The following HTR3A variants were observed in gnomAD, a reference collection of about 807,000 sequenced individuals.
HTR3A encodes 5-hydroxytryptamine receptor 3A.
Under a neutral mutation model 54.8 loss-of-function variants are expected in HTR3A, and 45 were observed. That is an observed-to-expected ratio of 0.82 (90% CI 0.65 to 1.05). HTR3A has a LOEUF of 1.05. Ranked by LOEUF, HTR3A falls within the 50% of genes least tolerant of loss-of-function variation. HTR3A has a pLI of 0.00. For synonymous variants in HTR3A, 297 were observed against 256.0 expected (o/e 1.16, Z -1.53); for missense variants, 657 against 614.0 (o/e 1.07, Z -0.74).
intron 3 of HTR3A, among the ~76,000 whole-genome samples, chr11:113,979,907 AAGCATGAGGAC>A (rs1376383201): frequency 2.6e-5 from 4 of 152,312 alleles, no homozygotes; most frequent in Admixed American, 2.0e-4. Flanking sequence ...ACGGAGGCAG[AAGCATGAGGAC>A]AGCTCACAGA....
intron 2 of HTR3A, among the ~76,000 whole-genome samples, chr11:113,978,868 A>T (rs979176646): frequency 6.6e-6 from 1 of 152,186 alleles, no homozygotes; most frequent in Non-Finnish European, 1.5e-5. Flanking sequence ...ACACACCTGT[A>T]GTCCCAGCAA....
At chr11:113,983,428 A>G (rs1412032311) in intron 5 of HTR3A, 139 bp downstream of exon 5, 3 of 864,780 alleles carry the variant, frequency 3.5e-6, no homozygotes, top group Non-Finnish European at 5.8e-6. Flanking sequence ...CATCCTCTGC[A>G]TGAGGTAGAT....
chr11:113,980,555 G>A (rs927523921), intron 3 of HTR3A, among the ~76,000 whole-genome samples: 1 of 152,258 alleles, frequency 6.6e-6, no homozygotes, highest in African/African-American at 2.4e-5. Flanking sequence ...ATAGGGGAGA[G>A]GGAGCAGGAT....
chr11:113,982,239 G>A (rs2137576495), intron 4 of HTR3A, among the ~76,000 whole-genome samples: 1 of 152,326 alleles, frequency 6.6e-6, no homozygotes, highest in African/African-American at 2.4e-5. Flanking sequence ...CAGGGAAGAT[G>A]GCTGGGGAGA....
chr11:113,987,345 T>C (rs1169011680), intron 8 of HTR3A, among the ~76,000 whole-genome samples: 1 of 152,196 alleles, frequency 6.6e-6, no homozygotes, highest in Non-Finnish European at 1.5e-5. Flanking sequence ...GATGGACCCA[T>C]GGGTGAAGTC....
chr11:113,986,309 T>TTTC, intron 6 of HTR3A, 134 bp downstream of exon 6: 1 of 1,214,982 alleles, frequency 8.2e-7, no homozygotes. Context: ...TTCAGTGAAG[T>TTTC]AGATGGAGAA....
At chr11:113,980,445 C>T (rs191879047) in intron 3 of HTR3A, among the ~76,000 whole-genome samples, 1 of 152,350 alleles carries the variant, frequency 6.6e-6, no homozygotes, top group East Asian at 1.9e-4. Context: ...TGTCACCCAG[C>T]CTGGGGTGTG....
chr11:113,981,289 C>T lies in HTR3A; in HGVS notation c.351C>T (p.Val117=). Residue 117 remains valine (V), a synonymous_variant, in exon 4 of 9, where the codon GTC becomes GTT. Coordinates refer to ENST00000504030, the MANE Select transcript of HTR3A (RefSeq NM_000869.6). The part of the protein sequence containing the change: ...KLSIPTDSIW[V]PDILINEFVD... ...CCATCCCCACGGACAGCATCTGGGTCCCGGACATTCTCATCAATGAGTTGT... is the reference window on the plus strand; with the variant it reads ...CCATCCCCACGGACAGCATCTGGGTTCCGGACATTCTCATCAATGAGTTGT... The T allele has an allele frequency of 1.2e-6, 2 of 1,612,202 alleles. No homozygotes were observed. The highest frequency in any genetic ancestry group is 8.5e-7 in the Non-Finnish European group (1 of 1,178,226).
chr11:113,982,280 C>G (rs1950430335), intron 4 of HTR3A, among the ~76,000 whole-genome samples: 1 of 152,186 alleles, frequency 6.6e-6, no homozygotes, highest in South Asian at 2.1e-4. Flanking sequence ...CAGGTGGGAT[C>G]AGCCATCCTC....
intron 8 of HTR3A, 102 bp downstream of exon 8, chr11:113,987,148 G>C: frequency 8.1e-7 from 1 of 1,234,258 alleles, no homozygotes; most frequent in Non-Finnish European, 1.2e-6. Flanking sequence ...GTGCTGTACT[G>C]CACATGGCAT....
At position 113,979,249 on chromosome 11, in the gene HTR3A, T is replaced by C. The variant is rs755428599; in HGVS notation, c.236T>C (p.Val79Ala). The C allele has an allele frequency of 1.2e-6, 2 of 1,613,088 alleles. No individual in the cohort carries two copies. Among genetic ancestry groups the C allele is most frequent in the Non-Finnish European group, 1.7e-6 (2 of 1,179,860 alleles). The change falls in exon 3 of 9, where the codon GTG becomes GCG. Residue 79 changes from valine (V) to alanine (A), a missense_variant. Transcript: ENST00000504030. ...AILNVDEKNQVLTTYIWYRQY... is the reference protein window; with the variant it reads ...AILNVDEKNQALTTYIWYRQY... ...CTTTCCCAGGATGAGAAGAATCAGG[T>C]GCTGACCACCTACATCTGGTACCGG...
At chr11:113,977,632 G>A in intron 1 of HTR3A, 139 bp from the exon 2 acceptor site, 1 of 1,498,406 alleles carries the variant, frequency 6.7e-7, no homozygotes, top group East Asian at 2.5e-5. Flanking sequence ...CTAGTGGTGA[G>A]AATGTCAGTC....
chr11:113,977,719 C>T (rs900623127), intron 1 of HTR3A, 52 bp from the exon 2 acceptor site: 16 of 1,597,808 alleles, frequency 1.0e-5, no homozygotes, highest in African/African-American at 5.4e-5. Context: ...ACAAGAGAAC[C>T]GGGGGAAGTC....
chr11:113,978,313 C>G (rs1302077122), intron 2 of HTR3A, among the ~76,000 whole-genome samples: 1 of 152,138 alleles, frequency 6.6e-6, no homozygotes, highest in African/African-American at 2.4e-5. Context: ...AAGAATCAGC[C>G]AACAGATCAA....
At position 113,979,305 on chromosome 11, in the gene HTR3A, C is replaced by T. The variant is rs750146054; in HGVS notation, c.264+28C>T. Reference sequence around the variant, plus strand: ...GAGCAGACCCGCCCCTCCCTGCCCCCGTTACCCATCCTCCTGGGAAGGAGT... The same window carrying T: ...GAGCAGACCCGCCCCTCCCTGCCCCTGTTACCCATCCTCCTGGGAAGGAGT... On this transcript the variant is annotated intron_variant, in intron 3 of 8. Coordinates refer to ENST00000504030, the MANE Select transcript of HTR3A (RefSeq NM_000869.6). The T allele has an allele frequency of 2.9e-5, 46 of 1,582,168 alleles. 1 individual carries two copies. Among genetic ancestry groups the T allele is most frequent in the East Asian group, 4.5e-5 (2 of 44,758 alleles).
intron 8 of HTR3A, among the ~76,000 whole-genome samples, chr11:113,987,298 A>G (rs1340707953): frequency 6.6e-6 from 1 of 152,216 alleles, no homozygotes; most frequent in Non-Finnish European, 1.5e-5. Flanking sequence ...GCATGTCAGG[A>G]GCTGAGTCCT....
intron 3 of HTR3A, 82 bp from the exon 4 acceptor site, chr11:113,981,121 A>G: frequency 1.2e-6 from 1 of 849,136 alleles, no homozygotes; most frequent in Non-Finnish European, 2.0e-6. Flanking sequence ...CTGGGCACTG[A>G]GGGTGAAGTC....
At chr11:113,977,417 CT>C in intron 1 of HTR3A, 1 of 769,392 alleles carries the variant, frequency 1.3e-6, no homozygotes, top group Non-Finnish European at 2.1e-6. Context: ...AGCCAGCTTC[CT>C]TGTTGCTCCC....
At chr11:113,983,009 G>A in intron 4 of HTR3A, 111 bp from the exon 5 acceptor site, 2 of 1,242,418 alleles carry the variant, frequency 1.6e-6, no homozygotes, top group Non-Finnish European at 2.4e-6. Flanking sequence ...TTATCCGGCT[G>A]CCTATACCCT....
Sources: gnomAD v4.1 joint callset for allele counts (sites outside exome capture counted in the v4.1 genomes callset) on GRCh38, gnomAD v4.1.1 for gene constraint, MANE v1.5 for transcripts, NCBI Gene and HGNC (gene_info 2026-07-23, HGNC 2026-07-21) for gene names.